The following ZNF385D variants were observed in gnomAD, a reference collection of about 807,000 sequenced individuals.
ZNF385D encodes zinc finger protein 659.
ZNF385D carries 15 observed loss-of-function variants against 35.8 expected under a neutral mutation model. That is an observed-to-expected ratio of 0.42 (90% CI 0.28 to 0.64). The LOEUF (loss-of-function observed/expected upper bound fraction) is 0.64. ZNF385D is among the 30% of genes least tolerant of loss of function. The pLI is 0.23. For missense variants in ZNF385D, 474 were observed against 494.6 expected (o/e 0.96, Z 0.39); for synonymous variants, 212 against 186.8 (o/e 1.13, Z -1.10).
At chr3:22,344,902 G>C (rs766067793) in intron 2 of ZNF385D, among the ~76,000 whole-genome samples, 2 of 152,138 alleles carry the variant, frequency 1.3e-5, no homozygotes, top group Non-Finnish European at 2.9e-5. Context: ...AGTGACCTGG[G>C]AAGATTTTGA....
chr3:22,171,214 T>C (rs181061569), intron 2 of ZNF385D, among the ~76,000 whole-genome samples: 88 of 152,338 alleles, frequency 5.8e-4, no homozygotes, highest in African/African-American at 2.0e-3. Flanking sequence ...GCTACAGAGA[T>C]AGTCACAGTA....
intron 3 of ZNF385D, among the ~76,000 whole-genome samples, chr3:22,160,839 G>T (rs924363254): frequency 6.6e-6 from 1 of 152,224 alleles, no homozygotes; most frequent in South Asian, 2.1e-4. Flanking sequence ...AGCTGACACG[G>T]TAGGTCAACT....
At chr3:21,990,061 T>C (rs1186312334) in intron 3 of ZNF385D, among the ~76,000 whole-genome samples, 1 of 152,222 alleles carries the variant, frequency 6.6e-6, no homozygotes, top group Non-Finnish European at 1.5e-5. Flanking sequence ...TTACCCTGAC[T>C]CCAAATGCAA....
chr3:22,338,571 GAT>G (rs1695274892), intron 2 of ZNF385D, among the ~76,000 whole-genome samples: 1 of 151,882 alleles, frequency 6.6e-6, no homozygotes, highest in African/African-American at 2.4e-5. Context: ...AATAGCTCTA[GAT>G]ATGTCTTATC....
intron 4 of ZNF385D, among the ~76,000 whole-genome samples, chr3:21,439,240 A>G (rs1213925511): frequency 6.7e-6 from 1 of 148,848 alleles, no homozygotes; most frequent in East Asian, 2.0e-4. Flanking sequence ...ACACAAAAGT[A>G]GTATATTGTG....
intron 3 of ZNF385D, among the ~76,000 whole-genome samples, chr3:21,559,110 C>T (rs549984652): frequency 7.9e-5 from 12 of 151,540 alleles, no homozygotes; most frequent in Admixed American, 3.9e-4. Flanking sequence ...TGGTTCTTGA[C>T]ACTCTATCCA....
intron 3 of ZNF385D, among the ~76,000 whole-genome samples, chr3:22,056,269 T>A (rs1576234385): frequency 4.4e-4 from 3 of 6,798 alleles, no homozygotes; most frequent in Non-Finnish European, 7.1e-4. Context: ...AAACTTAGAG[T>A]ATAATAAAAA....
At chr3:22,139,901 A>G (rs1186208123) in intron 3 of ZNF385D, among the ~76,000 whole-genome samples, 5 of 152,350 alleles carry the variant, frequency 3.3e-5, no homozygotes, top group Admixed American at 6.5e-5. Context: ...ATAGTGAAAT[A>G]TATCTACACT....
At chr3:21,805,444 TA>T (rs1178037150) in intron 3 of ZNF385D, among the ~76,000 whole-genome samples, 1 of 152,176 alleles carries the variant, frequency 6.6e-6, no homozygotes, top group East Asian at 1.9e-4. Context: ...CATAGTCATA[TA>T]AAACAAATGC....
chr3:22,112,617 T>G (rs1576341167), intron 3 of ZNF385D, among the ~76,000 whole-genome samples: 1 of 152,118 alleles, frequency 6.6e-6, no homozygotes, highest in East Asian at 1.9e-4. Flanking sequence ...ATACTTAGCT[T>G]TATTCTAATT....
chr3:21,809,655 T>TATAC (rs200400576), intron 3 of ZNF385D, among the ~76,000 whole-genome samples: 20,585 of 103,514 alleles, frequency 0.2, 1,808 homozygotes, highest in Non-Finnish European at 0.26. Flanking sequence ...CATATACATA[T>TATAC]ACATATATAC....
chr3:21,780,976 A>G (rs1306693534), intron 3 of ZNF385D, among the ~76,000 whole-genome samples: 2 of 152,080 alleles, frequency 1.3e-5, no homozygotes, highest in African/African-American at 4.8e-5. Flanking sequence ...TAGAGCTGAC[A>G]TAGCAACTAC....
chr3:21,688,892 G>A (rs1000743255), intron 1 of ZNF385D, among the ~76,000 whole-genome samples: 1 of 152,116 alleles, frequency 6.6e-6, no homozygotes, highest in South Asian at 2.1e-4. Flanking sequence ...TTATTATAAT[G>A]TGCTTGTGTT....
At chr3:21,887,397 T>C (rs1233849629) in intron 3 of ZNF385D, among the ~76,000 whole-genome samples, 2 of 152,158 alleles carry the variant, frequency 1.3e-5, no homozygotes, top group African/African-American at 4.8e-5. Context: ...AGAGCATTTG[T>C]AGATGGAGAA....
At chr3:21,528,870 G>C (rs1334412418) in intron 3 of ZNF385D, among the ~76,000 whole-genome samples, 1 of 152,140 alleles carries the variant, frequency 6.6e-6, no homozygotes, top group African/African-American at 2.4e-5. Flanking sequence ...TTTCATTTTA[G>C]CTAATCTTTG....
At chr3:22,078,281 T>C (rs1424871024) in intron 3 of ZNF385D, among the ~76,000 whole-genome samples, 1 of 152,050 alleles carries the variant, frequency 6.6e-6, no homozygotes, top group African/African-American at 2.4e-5. Flanking sequence ...GAAAAAAATA[T>C]GTTGACAAAT....
intron 3 of ZNF385D, among the ~76,000 whole-genome samples, chr3:22,076,333 C>G (rs1008308928): frequency 6.6e-6 from 1 of 151,898 alleles, no homozygotes; most frequent in African/African-American, 2.4e-5. Flanking sequence ...TTGGTCACTT[C>G]GGTCCAGTCT....
chr3:21,964,830 T>A (rs1183643543), intron 3 of ZNF385D, among the ~76,000 whole-genome samples: 2 of 152,148 alleles, frequency 1.3e-5, no homozygotes, highest in Non-Finnish European at 2.9e-5. Flanking sequence ...TTCTTTGTTG[T>A]ATGTTCAAAG....
intron 4 of ZNF385D, among the ~76,000 whole-genome samples, chr3:21,489,021 C>G (rs1705226704): frequency 6.6e-6 from 1 of 152,094 alleles, no homozygotes; most frequent in Non-Finnish European, 1.5e-5. Flanking sequence ...CTGATGAAAG[C>G]TCACTGGTTA....
Sources: gnomAD v4.1 joint callset for allele counts (sites outside exome capture counted in the v4.1 genomes callset) on GRCh38, gnomAD v4.1.1 for gene constraint, MANE v1.5 for transcripts, NCBI Gene and HGNC (gene_info 2026-07-23, HGNC 2026-07-21) for gene names.